CACNB2: variants seen among roughly 807,000 people sequenced by gnomAD.
CACNB2 encodes the protein calcium voltage-gated channel auxiliary subunit beta 2.
CACNB2 carries 42 observed loss-of-function variants against 73.3 expected under a neutral mutation model. The ratio of observed to expected loss-of-function variants is 0.57; its 90% CI spans 0.45 to 0.74. The LOEUF (loss-of-function observed/expected upper bound fraction) is 0.74, where lower values mean the gene tolerates loss of function less well. Among genes scored for constraint, CACNB2 ranks in the 30% least tolerant of loss-of-function variants. The probability of loss-of-function intolerance (pLI) is 0.00; values close to 1 mark genes in which losing one functional copy is unlikely to be tolerated. For synonymous variants in CACNB2, 348 were observed against 310.3 expected, an observed-to-expected ratio of 1.12 and a Z score of -1.28; for missense variants, 940 against 853.0, an observed-to-expected ratio of 1.10 and a Z score of -1.27.
At chr10:18,340,993 A>G in intron 2 of CACNB2, 2 of 1,613,796 alleles carry the variant, frequency 1.2e-6, no homozygotes, top group Non-Finnish European at 1.7e-6. Flanking sequence ...CATACGGGAG[A>G]GAAGCCGGCC....
intron 2 of CACNB2, among the ~76,000 whole-genome samples, chr10:18,171,519 C>CAAAAAA (rs1230482235): frequency 1.0e-4 from 1 of 10,028 alleles, no homozygotes; most frequent in African/African-American, 7.4e-4. Flanking sequence ...GCTTTGATAG[C>CAAAAAA]AGAAAAAAAA....
intron 2 of CACNB2, chr10:18,261,074 G>C: frequency 7.0e-7 from 1 of 1,431,184 alleles, no homozygotes; most frequent in Non-Finnish European, 9.2e-7. Context: ...ACAAACAGGG[G>C]AGAACAAAGT....
At chr10:18,386,206 G>A (rs888920705) in intron 2 of CACNB2, among the ~76,000 whole-genome samples, 4 of 152,002 alleles carry the variant, frequency 2.6e-5, no homozygotes, top group South Asian at 2.1e-4. Flanking sequence ...GCTTAAAACC[G>A]TTTCTTTTTC....
chr10:18,182,286 T>C (rs1030975153), intron 2 of CACNB2, among the ~76,000 whole-genome samples: 2 of 151,424 alleles, frequency 1.3e-5, no homozygotes, highest in African/African-American at 4.9e-5. Context: ...GATTGCACCA[T>C]TGTACTCCAG....
intron 2 of CACNB2, among the ~76,000 whole-genome samples, chr10:18,217,726 C>A (rs1004106083): frequency 6.6e-6 from 1 of 151,228 alleles, no homozygotes; most frequent in Admixed American, 6.6e-5. Context: ...ACAGCCATTG[C>A]GAAGGCCTAA....
intron 2 of CACNB2, among the ~76,000 whole-genome samples, chr10:18,199,364 G>C (rs1040232432): frequency 1.3e-5 from 2 of 152,156 alleles, no homozygotes; most frequent in African/African-American, 2.4e-5. Context: ...AGGAAGAAAA[G>C]CAGAGAAGGG....
At chr10:18,357,620 T>C (rs2041975823) in intron 2 of CACNB2, among the ~76,000 whole-genome samples, 1 of 152,238 alleles carries the variant, frequency 6.6e-6, no homozygotes, top group Non-Finnish European at 1.5e-5. Flanking sequence ...CAGTATATTT[T>C]ACAACTATGC....
chr10:18,160,681 T>C (rs948834908), intron 2 of CACNB2, among the ~76,000 whole-genome samples: 8 of 152,208 alleles, frequency 5.3e-5, no homozygotes, highest in Non-Finnish European at 1.2e-4. Context: ...AAGTTAGTTA[T>C]TCTTGTGTCT....
chr10:18,362,728 C>T (rs560541167), intron 2 of CACNB2, among the ~76,000 whole-genome samples: 1 of 152,064 alleles, frequency 6.6e-6, no homozygotes, highest in Non-Finnish European at 1.5e-5. Context: ...ACCAGCCTGG[C>T]CAACATGGTG....
At chr10:18,263,752 G>A (rs775001838) in intron 2 of CACNB2, among the ~76,000 whole-genome samples, 8 of 152,130 alleles carry the variant, frequency 5.3e-5, no homozygotes, top group Non-Finnish European at 8.8e-5. Context: ...GCTTTTATTA[G>A]GTTGCCTCCG....
At chr10:18,396,123 AT>A (rs753966863) in intron 2 of CACNB2, among the ~76,000 whole-genome samples, 2 of 151,836 alleles carry the variant, frequency 1.3e-5, no homozygotes, top group Non-Finnish European at 2.9e-5. Flanking sequence ...CGCCTGGCTA[AT>A]TTTTGTATTT....
intron 3 of CACNB2, among the ~76,000 whole-genome samples, chr10:18,460,503 C>G (rs1434965754): frequency 6.6e-6 from 1 of 151,976 alleles, no homozygotes; most frequent in Non-Finnish European, 1.5e-5. Flanking sequence ...CTGATGTATA[C>G]AAGCCTAGAG....
chr10:18,286,945 A>G (rs139824667), intron 2 of CACNB2, among the ~76,000 whole-genome samples: 15 of 152,232 alleles, frequency 9.9e-5, no homozygotes, highest in Non-Finnish European at 2.1e-4. Flanking sequence ...TCTCCAAGTT[A>G]AGGAGACCTA....
At chr10:18,438,358 C>T (rs190303628) in intron 3 of CACNB2, among the ~76,000 whole-genome samples, 9 of 152,132 alleles carry the variant, frequency 5.9e-5, no homozygotes, top group Non-Finnish European at 7.4e-5. Context: ...CCAACCACTG[C>T]TAAAGCATTC....
chr10:18,141,137 C>G (rs766732658), intron 1 of CACNB2: 1 of 1,505,470 alleles, frequency 6.6e-7, no homozygotes, highest in African/African-American at 1.4e-5. Context: ...GTTGCTCCAG[C>G]TGGCCCTCCT....
intron 2 of CACNB2, among the ~76,000 whole-genome samples, chr10:18,315,499 TAAAAAAAAAAAAAAA>T (rs756721525): frequency 1.3e-4 from 5 of 39,512 alleles, no homozygotes; most frequent in South Asian, 1.8e-3. Context: ...TGTCTCTATT[TAAAAAAAAAAAAAAA>T]AAAAAAAAAA....
At chr10:18,144,702 C>T (rs192320985) in intron 1 of CACNB2, among the ~76,000 whole-genome samples, 2 of 152,182 alleles carry the variant, frequency 1.3e-5, no homozygotes, top group Admixed American at 6.5e-5. Flanking sequence ...AAGAATATAA[C>T]ACATCTTCAT....
chr10:18,518,892 T>C lies in CACNB2; in HGVS notation c.886-18T>C, dbSNP rs766081800. The C allele has an allele frequency of 2.5e-6, 4 of 1,611,042 alleles. No individual in the cohort carries two copies. The highest frequency in any genetic ancestry group is 3.3e-4 in the Middle Eastern group (2 of 6,052). On this transcript the variant is annotated intron_variant, in intron 8 of 13. Transcript: ENST00000324631. ...TTTTTTTTGGTCATATCTTAATTTATTGCTTGCTCAATTGCAGGTCACAGA... is the reference window on the plus strand; with the variant it reads ...TTTTTTTTGGTCATATCTTAATTTACTGCTTGCTCAATTGCAGGTCACAGA...
chr10:18,359,294 C>T (rs1270199229), intron 2 of CACNB2, among the ~76,000 whole-genome samples: 1 of 152,212 alleles, frequency 6.6e-6, no homozygotes, highest in Non-Finnish European at 1.5e-5. Flanking sequence ...TGTTTTGACA[C>T]AGGGTCTCCT....
Sources: allele counts gnomAD v4.1 joint callset (sites outside exome capture counted in the v4.1 genomes callset), GRCh38; gene constraint gnomAD v4.1.1; transcripts MANE v1.5; gene names NCBI Gene and HGNC (gene_info 2026-07-23, HGNC 2026-07-21).